GALNT17: variants seen among roughly 807,000 people sequenced by gnomAD.
GALNT17 encodes UDP-GalNAc:polypeptide N-acetylgalactosaminyltransferase-like 3.
GALNT17 carries 29 observed loss-of-function variants against 63.7 expected under a neutral mutation model. The ratio of observed to expected loss-of-function variants is 0.46; its 90% CI spans 0.34 to 0.62. The LOEUF (loss-of-function observed/expected upper bound fraction) is 0.62, where lower values mean the gene tolerates loss of function less well. Ranked by LOEUF, GALNT17 falls within the 20% of genes least tolerant of loss-of-function variation. GALNT17 has a pLI of 0.01. For synonymous variants in GALNT17, 305 were observed against 318.3 expected, an observed-to-expected ratio of 0.96 and a Z score of 0.45; for missense variants, 603 against 799.6, an observed-to-expected ratio of 0.75 and a Z score of 2.97.
At chr7:71,170,747 T>C (rs953989619) in intron 1 of GALNT17, among the ~76,000 whole-genome samples, 1 of 152,172 alleles carries the variant, frequency 6.6e-6, no homozygotes, top group African/African-American at 2.4e-5. Context: ...GGATGGCTGA[T>C]TGGGAGTTAA....
intron 5 of GALNT17, among the ~76,000 whole-genome samples, chr7:71,439,521 CAGAG>C (rs1282407433): frequency 6.6e-6 from 1 of 152,188 alleles, no homozygotes; most frequent in East Asian, 1.9e-4. Flanking sequence ...CGATGACAAG[CAGAG>C]AGGCCTGCCT....
intron 5 of GALNT17, among the ~76,000 whole-genome samples, chr7:71,486,094 G>C (rs1181818611): frequency 6.6e-6 from 1 of 152,036 alleles, no homozygotes; most frequent in East Asian, 1.9e-4. Context: ...TTGGGAGACT[G>C]GGGCAGGGCG....
intron 3 of GALNT17, among the ~76,000 whole-genome samples, chr7:71,409,709 C>G (rs772832002): frequency 6.6e-6 from 1 of 152,158 alleles, no homozygotes; most frequent in African/African-American, 2.4e-5. Flanking sequence ...CCACCAGGTT[C>G]GTATGTCCAC....
At position 71,712,119 on chromosome 7, in the gene GALNT17, G is replaced by A; in HGVS notation, c.1770G>A (p.Arg590=). 1.2e-6 allele frequency: 2 copies of A among 1,613,910 alleles called. No homozygotes were observed. The highest frequency in any genetic ancestry group is 1.7e-6 in the Non-Finnish European group (2 of 1,179,904). The change falls in exon 11 of 11, where the codon AGG becomes AGA. Residue 590 remains arginine (R), a synonymous_variant. Coordinates refer to ENST00000333538, the MANE Select transcript of GALNT17 (RefSeq NM_022479.3). ...DLILRSCTGQ[R]WTIKNSIK ...TCCTCCGCAGCTGCACAGGTCAGAGGTGGACCATTAAGAACTCCATCAAGT... is the reference window on the plus strand; with the variant it reads ...TCCTCCGCAGCTGCACAGGTCAGAGATGGACCATTAAGAACTCCATCAAGT...
intron 6 of GALNT17, among the ~76,000 whole-genome samples, chr7:71,594,065 C>G (rs1004935444): frequency 1.3e-5 from 2 of 151,700 alleles, no homozygotes; most frequent in African/African-American, 4.8e-5. Context: ...ACATCAAGTT[C>G]TCCTTTTTTT....
chr7:71,670,138 T>C, intron 8 of GALNT17, 29 bp downstream of exon 8: 1 of 1,613,710 alleles, frequency 6.2e-7, no homozygotes, highest in Non-Finnish European at 8.5e-7. Flanking sequence ...GCTTTTGGCT[T>C]GGAATGCTGT....
At chr7:71,297,448 G>A (rs1791102559) in intron 1 of GALNT17, among the ~76,000 whole-genome samples, 1 of 152,170 alleles carries the variant, frequency 6.6e-6, no homozygotes, top group African/African-American at 2.4e-5. Flanking sequence ...GGAGGCTGAG[G>A]TAGGAGAATC....
At chr7:71,191,980 CA>C (rs542586797) in intron 1 of GALNT17, among the ~76,000 whole-genome samples, 172 of 152,204 alleles carry the variant, frequency 1.1e-3, no homozygotes, top group Non-Finnish European at 2.1e-3. Flanking sequence ...GGCTCATTCC[CA>C]AAAACCTCAA....
At chr7:71,471,627 TCTC>T (rs1481448083) in intron 5 of GALNT17, among the ~76,000 whole-genome samples, 1 of 152,106 alleles carries the variant, frequency 6.6e-6, no homozygotes, top group African/African-American at 2.4e-5. Flanking sequence ...ATCCTTCTCT[TCTC>T]CTTTTTTTAT....
At chr7:71,598,827 T>G (rs963609766) in intron 6 of GALNT17, among the ~76,000 whole-genome samples, 3 of 146,934 alleles carry the variant, frequency 2.0e-5, no homozygotes, top group African/African-American at 2.5e-5. Context: ...GGGTAAATGA[T>G]CAGAAGGAAA....
intron 1 of GALNT17, among the ~76,000 whole-genome samples, chr7:71,317,875 TC>T (rs1791528883): frequency 6.6e-6 from 1 of 152,170 alleles, no homozygotes; most frequent in Admixed American, 6.5e-5. Context: ...CTTTCTTTTT[TC>T]TGGTTTCTGT....
intron 1 of GALNT17, among the ~76,000 whole-genome samples, chr7:71,214,982 A>G (rs1319385842): frequency 6.6e-6 from 1 of 152,292 alleles, no homozygotes; most frequent in African/African-American, 2.4e-5. Flanking sequence ...ATTCTCTGTA[A>G]CAAGTTTCAT....
At chr7:71,653,773 G>A (rs955651455) in intron 6 of GALNT17, among the ~76,000 whole-genome samples, 2 of 152,010 alleles carry the variant, frequency 1.3e-5, no homozygotes, top group African/African-American at 4.8e-5. Flanking sequence ...TCTGATTTGC[G>A]ATTGCTCCAG....
At position 71,505,485 on chromosome 7, in the gene GALNT17, A is replaced by G. The variant is rs575602729; in HGVS notation, c.963-65800A>G. 4.6e-5 allele frequency among the ~76,000 whole-genome samples: 7 copies of G among 152,306 alleles called. No homozygotes were observed. In the South Asian group the frequency reaches 1.4e-3, roughly 32 times the overall value. Reference sequence around the variant, plus strand: ...TGGGGTGGCACATACTTGTTGTCCCAGCTACTTACGAGGCTGAAGTGGGAG... The same window carrying G: ...TGGGGTGGCACATACTTGTTGTCCCGGCTACTTACGAGGCTGAAGTGGGAG... On this transcript the variant is annotated intron_variant, in intron 5 of 10. Coordinates refer to ENST00000333538, the MANE Select transcript of GALNT17 (RefSeq NM_022479.3).
intron 1 of GALNT17, among the ~76,000 whole-genome samples, chr7:71,198,231 A>T (rs1048526201): frequency 6.6e-6 from 1 of 151,436 alleles, no homozygotes; most frequent in East Asian, 1.9e-4. Context: ...GCAAATACCA[A>T]CTTCAAGTGG....
chr7:71,338,529 A>G (rs1791953305), intron 2 of GALNT17, among the ~76,000 whole-genome samples: 1 of 151,974 alleles, frequency 6.6e-6, no homozygotes, highest in South Asian at 2.1e-4. Flanking sequence ...TCTAAAAACT[A>G]TTTGTGTGCA....
intron 7 of GALNT17, among the ~76,000 whole-genome samples, chr7:71,666,354 TATATA>T (rs1476733036): frequency 2.0e-5 from 3 of 148,384 alleles, no homozygotes; most frequent in African/African-American, 7.3e-5. Context: ...ATATATAAAA[TATATA>T]ATATAAAGAT....
intron 6 of GALNT17, among the ~76,000 whole-genome samples, chr7:71,617,712 G>A (rs541647807): frequency 1.1e-4 from 16 of 149,322 alleles, no homozygotes; most frequent in African/African-American, 3.2e-4. Flanking sequence ...GCGCGATCTC[G>A]GCTCACTGCA....
chr7:71,668,430 C>A (rs905764316), intron 7 of GALNT17, among the ~76,000 whole-genome samples: 1 of 143,522 alleles, frequency 7.0e-6, no homozygotes, highest in Non-Finnish European at 1.5e-5. Flanking sequence ...GCAGGAGAAT[C>A]GCTTGAACCT....
Sources: gnomAD v4.1 joint callset for allele counts (sites outside exome capture counted in the v4.1 genomes callset) on GRCh38, gnomAD v4.1.1 for gene constraint, MANE v1.5 for transcripts, NCBI Gene and HGNC (gene_info 2026-07-23, HGNC 2026-07-21) for gene names.